The following LAMB1 variants were observed in gnomAD, a reference collection of about 807,000 sequenced individuals.
The protein encoded by LAMB1 is laminin subunit beta 1, also known as laminin subunit beta-1.
In LAMB1, 121 loss-of-function variants were observed where a neutral mutation model predicts 222.3. That is an observed-to-expected ratio of 0.54 (90% CI 0.47 to 0.63). The LOEUF (loss-of-function observed/expected upper bound fraction) is 0.63, where lower values mean the gene tolerates loss of function less well. LAMB1 is among the 30% of genes least tolerant of loss of function. The probability of loss-of-function intolerance (pLI) is 0.00; values close to 1 mark genes in which losing one functional copy is unlikely to be tolerated. For synonymous variants in LAMB1, 794 were observed against 807.2 expected (o/e 0.98, Z 0.28); for missense variants, 2,172 against 2,240.8 (o/e 0.97, Z 0.62).
intron 2 of LAMB1, 125 bp downstream of exon 2, chr7:108,002,724 C>A: frequency 1.5e-6 from 2 of 1,317,154 alleles, no homozygotes; most frequent in Admixed American, 2.1e-5. Context: ...ATCCCAGGGG[C>A]GTCATTTCCA....
intron 13 of LAMB1, among the ~76,000 whole-genome samples, chr7:107,969,770 T>C (rs1472815587): frequency 6.6e-6 from 1 of 152,208 alleles, no homozygotes; most frequent in East Asian, 1.9e-4. Context: ...CATAGGCAAT[T>C]GTAACACAAT....
intron 8 of LAMB1, 135 bp from the exon 9 acceptor site, chr7:107,978,302 G>T (rs1216069008): frequency 3.0e-6 from 3 of 999,412 alleles, no homozygotes; most frequent in African/African-American, 3.3e-5. Flanking sequence ...TTGTTTGGTT[G>T]TTTTTATTTT....
chr7:107,932,829 G>A (rs953515633), intron 27 of LAMB1, among the ~76,000 whole-genome samples: 5 of 152,114 alleles, frequency 3.3e-5, no homozygotes, highest in Non-Finnish European at 7.4e-5. Context: ...ATTACCTAGC[G>A]TTTTAGTAAC....
At chr7:107,999,564 T>G (rs1263683678) in intron 3 of LAMB1, among the ~76,000 whole-genome samples, 1 of 152,154 alleles carries the variant, frequency 6.6e-6, no homozygotes, top group Non-Finnish European at 1.5e-5. Context: ...ACTGGCAAGA[T>G]GTACTGTCTA....
rs781149769 is a variant in LAMB1, at chr7:107,923,818, CTTTA to C, written c.*129_*132del. The stretch of plus-strand genomic sequence containing the variant: ...CCAAAATATATACAAAAGCACTGTA[CTTTA>C]TTTAACTCCATACAAAATGTGATTA... On this transcript the variant is annotated 3_prime_UTR_variant, in exon 34 of 34. Transcript: ENST00000222399. 4.3e-4 allele frequency: 358 copies of C among 824,164 alleles called. No homozygotes were observed. The highest frequency in any genetic ancestry group is 4.0e-3 in the East Asian group (138 of 34,880). The allele number at this position is 824,164 out of a possible 1,614,324, so 51.1% of individuals were successfully genotyped here.
At chr7:108,001,450 G>T in intron 3 of LAMB1, 108 bp downstream of exon 3, 1 of 1,272,436 alleles carries the variant, frequency 7.9e-7, no homozygotes, top group Non-Finnish European at 1.1e-6. Flanking sequence ...GGCTGGCTGC[G>T]CTTCCTATCT....
intron 31 of LAMB1, among the ~76,000 whole-genome samples, chr7:107,926,979 T>A (rs1408286524): frequency 6.6e-6 from 1 of 152,186 alleles, no homozygotes; most frequent in African/African-American, 2.4e-5. Flanking sequence ...CCTTTCAAAG[T>A]AGAATCAATA....
intron 25 of LAMB1, among the ~76,000 whole-genome samples, chr7:107,938,772 G>GCCT (rs948171748): frequency 2.6e-5 from 4 of 152,254 alleles, no homozygotes; most frequent in Admixed American, 1.3e-4. Flanking sequence ...GAGGTAAAAT[G>GCCT]CCTCACTAAA....
intron 24 of LAMB1, among the ~76,000 whole-genome samples, chr7:107,948,438 A>C (rs984706596): frequency 5.3e-5 from 8 of 152,180 alleles, no homozygotes; most frequent in Non-Finnish European, 1.0e-4. Flanking sequence ...TAGTGGGAAA[A>C]CAAGGGGAAA....
Position 107,959,280 on chromosome 7 carries a change from G to A in LAMB1, c.2659C>T (p.Gln887Ter). The change falls in exon 20 of 34, where the codon CAG (glutamine) becomes TAG (stop). Residue 887 changes from glutamine to a stop codon, truncating the protein, a stop_gained. Coordinates refer to ENST00000222399, the MANE Select transcript of LAMB1 (RefSeq NM_002291.3). LOFTEE classifies it high-confidence loss of function. ...CAGTTATGACCCATGGTGTAGTCCT[G>A]GCAGTTCAAGCACTCCCCAGTCACT... Reference protein sequence around the residue: ...DPVTGECLNCQDYTMGHNCER... With the variant: ...DPVTGECLNC The A allele has an allele frequency of 6.2e-7, 1 of 1,614,134 alleles. No homozygotes were observed.
rs2033357757 is a variant in LAMB1, at chr7:107,955,587, C to A, written c.2734G>T (p.Asp912Tyr). 4 of 1,613,998 alleles carry A rather than the reference C, an allele frequency of 2.5e-6. No homozygotes were observed. The highest frequency in any genetic ancestry group is 3.4e-6 in the Non-Finnish European group (4 of 1,179,986). ...GGGCAAGGGCAAGGGCGGCAGTGAT[C>A]TCCTGACCCAATGATGGGGTCGCCA... Reference protein sequence around the residue: ...YYGDPIIGSGDHCRPCPCPDG... With the variant: ...YYGDPIIGSGYHCRPCPCPDG... Residue 912 changes from aspartate to tyrosine, a missense_variant, in exon 21 of 34, where the codon GAT becomes TAT. By Grantham distance (160) the Asp-to-Tyr change is radical. Transcript: ENST00000222399.
At chr7:107,935,253 T>A in intron 27 of LAMB1, 162 bp downstream of exon 27, 7 of 1,054,810 alleles carry the variant, frequency 6.6e-6, no homozygotes, top group Non-Finnish European at 9.5e-6. Flanking sequence ...GATACCCCAT[T>A]CCAGGATCCA....
At position 107,961,236 on chromosome 7, in the gene LAMB1, G is replaced by A. The variant is rs778541187; in HGVS notation, c.2079C>T (p.Asp693=). Residue 693 remains aspartate (D), a synonymous_variant, in exon 17 of 34, where the codon GAC becomes GAT. Transcript: ENST00000222399. ...ELPQYTSSDS[D]VESPYTLIDS... is the part of the protein sequence containing the mutation. ...CGATCAGCGTGTAGGGGCTCTCCAC[G>A]TCGCTATCAGAGGAGGTGTACTGAG... 19 of 1,613,972 alleles carry A rather than the reference G, an allele frequency of 1.2e-5. No individual in the cohort carries two copies. Among genetic ancestry groups the A allele is most frequent in the South Asian group, 3.3e-5 (3 of 91,074 alleles).
intron 14 of LAMB1, 85 bp downstream of exon 14, chr7:107,964,467 T>C (rs2033583126): frequency 4.0e-6 from 6 of 1,507,936 alleles, no homozygotes; most frequent in Middle Eastern, 1.8e-4. Flanking sequence ...AAAATGCTTC[T>C]GAAATGGGGT....
In LAMB1 at chr7:107,953,545, G is replaced by A. The variant is rs1444347610; in HGVS notation, c.3064C>T (p.Gln1022Ter). Residue 1022 changes from glutamine to a stop codon, truncating the protein, a stop_gained, in exon 22 of 34, where the codon CAG becomes TAG. Coordinates refer to ENST00000222399, the MANE Select transcript of LAMB1 (RefSeq NM_002291.3). LOFTEE classifies it high-confidence loss of function. ...TGCATCTTACTTCGACAGTCCTGCT[G>A]GAGGGCATCACCATAGTATCCAAAC... ...CRFGYYGDAL[Q>*]QDCRKCVCNY... 14 of 1,613,440 alleles carry A rather than the reference G, an allele frequency of 8.7e-6. No individual in the cohort carries two copies. The highest frequency in any genetic ancestry group is 4.5e-5 in the East Asian group (2 of 44,888).
At chr7:107,935,696 A>G in intron 26 of LAMB1, 40 bp from the exon 27 acceptor site, 3 of 1,598,656 alleles carry the variant, frequency 1.9e-6, no homozygotes, top group Non-Finnish European at 2.6e-6. Context: ...TAACCTCATC[A>G]TACTAGGCTT....
chr7:107,955,929 G>C (rs796866724), intron 20 of LAMB1, among the ~76,000 whole-genome samples: 1 of 151,984 alleles, frequency 6.6e-6, no homozygotes, highest in Non-Finnish European at 1.5e-5. Flanking sequence ...ATGGAGTCGC[G>C]CTCTGTTGCG....
intron 8 of LAMB1, among the ~76,000 whole-genome samples, chr7:107,979,406 G>A (rs1043756376): frequency 1.3e-5 from 2 of 152,176 alleles, no homozygotes; most frequent in Admixed American, 6.5e-5. Context: ...TTCATGAGGG[G>A]AGGCCACAGC....
chr7:107,981,060 C>T (rs879779401), intron 7 of LAMB1, among the ~76,000 whole-genome samples: 9 of 152,142 alleles, frequency 5.9e-5, no homozygotes, highest in Non-Finnish European at 1.2e-4. Flanking sequence ...ACCTGTAATT[C>T]CAGCACTTTG....
Sources: allele counts gnomAD v4.1 joint callset (sites outside exome capture counted in the v4.1 genomes callset), GRCh38; gene constraint gnomAD v4.1.1; transcripts MANE v1.5; gene names NCBI Gene and HGNC (gene_info 2026-07-23, HGNC 2026-07-21).